Variants in ATG9B observed in about 807,000 individuals in gnomAD.
The protein encoded by ATG9B is autophagy-related protein 9B.
In ATG9B, 92 loss-of-function variants were observed where a neutral mutation model predicts 92.9. The ratio of observed to expected loss-of-function variants is 0.99; its 90% CI spans 0.84 to 1.18. The LOEUF is 1.18. Ranked by LOEUF, ATG9B falls within the 50% of genes most tolerant of loss-of-function variation. ATG9B has a pLI of 0.00. For missense variants in ATG9B, 1,344 were observed against 1,235.0 expected (o/e 1.09, Z -1.32); for synonymous variants, 599 against 551.4 (o/e 1.09, Z -1.21).
At chr7:151,013,540 A>G (rs115888621), downstream of ATG9B, 4 of 1,125,946 alleles carry the variant, frequency 3.6e-6, no homozygotes, top group Non-Finnish European at 4.9e-6. Flanking sequence ...CGGCCCCTCT[A>G]GGCCCGCCTC....
rs1353658069 is a variant in ATG9B, at chr7:151,019,112, A to G, written c.1226T>C (p.Phe409Ser). 2 of 1,535,704 alleles carry G rather than the reference A, an allele frequency of 1.3e-6. No individual in the cohort carries two copies. The highest frequency in any genetic ancestry group is 2.4e-5 in the East Asian group (1 of 40,898). Residue 409 changes from phenylalanine (F) to serine (S), a missense_variant, in exon 6 of 14, where the codon TTC (phenylalanine) becomes TCC (serine). Physicochemically the swap from Phe to Ser is radical, Grantham distance 155 (BLOSUM62 -2). Coordinates refer to ENST00000639579, the MANE Select transcript of ATG9B (RefSeq NM_001317056.2). ...CTCCCAGCCCCCGCGGAAGAGCGAGAAGGGACCGCGGAAGAGCAGCAGGTC... is the reference window on the plus strand; with the variant it reads ...CTCCCAGCCCCCGCGGAAGAGCGAGGAGGGACCGCGGAAGAGCAGCAGGTC... ...NVDLLLFRGP[F>S]SLFRGGWELP... is the part of the protein sequence containing the mutation.
downstream of ATG9B, chr7:151,012,288 G>A (rs572224911): frequency 4.0e-5 from 57 of 1,441,524 alleles, no homozygotes; most frequent in African/African-American, 7.5e-4. Flanking sequence ...CACCCACCCT[G>A]CATGGTGAGA....
chr7:151,023,006 C>T, intron 4 of ATG9B, 39 bp downstream of exon 4: 1 of 1,613,482 alleles, frequency 6.2e-7, no homozygotes. Context: ...ACCCACTGCC[C>T]ATGCTTCACC....
At chr7:151,013,705 T>C (rs1377112936), downstream of ATG9B, 11 of 1,247,056 alleles carry the variant, frequency 8.8e-6, no homozygotes. Context: ...GGGCCCGCCC[T>C]AACCCCGCCG....
chr7:151,013,609 C>G, downstream of ATG9B: 1 of 1,087,568 alleles, frequency 9.2e-7, no homozygotes, highest in Non-Finnish European at 1.3e-6. Flanking sequence ...CCAGGGCACG[C>G]AGGCCCCACC....
intron 9 of ATG9B, 48 bp from the exon 10 acceptor site, chr7:151,016,869 G>A (rs760946600): frequency 6.4e-7 from 1 of 1,570,190 alleles, no homozygotes; most frequent in Non-Finnish European, 8.6e-7. Flanking sequence ...CAGAAGAGAG[G>A]ACAGAAACGG....
Position 151,016,205 on chromosome 7 carries a change from A to ACGGCTC in ATG9B, c.2545_2550dup (p.Glu849_Pro850dup). On this transcript the variant is annotated inframe_insertion, in exon 12 of 14. Coordinates refer to ENST00000639579, the MANE Select transcript of ATG9B (RefSeq NM_001317056.2). ...AGGATGGAGGCTGCAGCCTCACCCC[A>ACGGCTC]CGGCTCCTGCTGCTGCTGCTGCTGG... 1 of 1,509,760 alleles carries ACGGCTC rather than the reference A, an allele frequency of 6.6e-7. No homozygotes were observed. The allele number at this position is 1,509,760 out of a possible 1,614,324, so 93.5% of individuals were successfully genotyped here.
At chr7:151,019,670 G>A (rs750929516) in intron 5 of ATG9B, among the ~76,000 whole-genome samples, 3 of 152,226 alleles carry the variant, frequency 2.0e-5, no homozygotes, top group Admixed American at 6.5e-5. Context: ...GCCTCCAGGT[G>A]CTGGACCTGG....
At position 151,017,057 on chromosome 7, in the gene ATG9B, G is replaced by T; in HGVS notation, c.2268C>A (p.Leu756=). 1 of 1,598,288 alleles carries T rather than the reference G, an allele frequency of 6.3e-7. No homozygotes were observed. Among genetic ancestry groups the T allele is most frequent in the Admixed American group, 1.7e-5 (1 of 57,756 alleles). ...TCACCAGGGGCGAGGTGCAGTTGCT[G>T]AGCACCCCCGGGGTGGAGGGGCCGC... ...SARGPSTPGV[L]SNCTSPLPEA... Residue 756 remains leucine (L), a synonymous_variant, in exon 9 of 14, where the codon CTC becomes CTA. Coordinates refer to ENST00000639579, the MANE Select transcript of ATG9B (RefSeq NM_001317056.2).
Position 151,016,785 on chromosome 7 carries a change from G to C in ATG9B, c.2326C>G (p.Leu776Val). The C allele has an allele frequency of 6.2e-7, 1 of 1,612,374 alleles. No homozygotes were observed. Among genetic ancestry groups the C allele is most frequent in the Non-Finnish European group, 8.5e-7 (1 of 1,179,462 alleles). The change falls in exon 10 of 14, where the codon CTC becomes GTC. Residue 776 changes from leucine (L) to valine (V), a missense_variant. Coordinates refer to ENST00000639579, the MANE Select transcript of ATG9B (RefSeq NM_001317056.2). The part of the protein sequence containing the change: ...AFLANLFVHP[L>V]LPPRDLSPTA... ...GGGCTCAGATCTCTCGGAGGCAGGA[G>C]AGGGTGCACGAAGAGGTTGGCCAGG...
Position 151,023,451 on chromosome 7 carries a change from T to C in ATG9B, c.653A>G (p.Gln218Arg), listed in dbSNP as rs1795827961. Residue 218 changes from glutamine to arginine, a missense_variant, in exon 3 of 14, where the codon CAG becomes CGG. Coordinates refer to ENST00000639579, the MANE Select transcript of ATG9B (RefSeq NM_001317056.2). ...CCCGGGCTAAGCGTCTCACCCCAGC[T>C]GGAAGACATCCTCCAGCAAGATGCA... ...FACILLEDVF[Q>R]LGQFIFIVTF... The C allele has an allele frequency of 2.5e-6, 4 of 1,612,906 alleles. No individual in the cohort carries two copies. The highest frequency in any genetic ancestry group is 1.7e-5 in the Admixed American group (1 of 59,888).
chr7:151,022,974 T>C, intron 4 of ATG9B, 71 bp downstream of exon 4: 1 of 1,582,050 alleles, frequency 6.3e-7, no homozygotes. Context: ...CGGGACAAAG[T>C]GGGGCTCCCG....
intron 5 of ATG9B, 109 bp from the exon 6 acceptor site, chr7:151,019,483 G>C (rs1289410278): frequency 5.0e-6 from 7 of 1,390,956 alleles, no homozygotes; most frequent in African/African-American, 1.5e-5. Context: ...CTGAGTTTGC[G>C]ATCACAAACT....
chr7:151,023,133 G>A lies in ATG9B; in HGVS notation c.733C>T (p.Gln245Ter). The A allele has an allele frequency of 6.2e-7, 1 of 1,614,184 alleles. No individual in the cohort carries two copies. The highest frequency in any genetic ancestry group is 8.5e-7 in the Non-Finnish European group (1 of 1,180,036). The change falls in exon 4 of 14, where the codon CAA becomes TAA. Residue 245 changes from glutamine (Q) to a stop codon, truncating the protein, a stop_gained. Coordinates refer to ENST00000639579, the MANE Select transcript of ATG9B (RefSeq NM_001317056.2). LOFTEE classifies it high-confidence loss of function. The stretch of plus-strand genomic sequence containing the variant: ...CCAGGTCTGGTATGGTTACTTGGTT[G>A]GTTGGCAAAGAGAACATTGTAATCC... ...CVDYNVLFAN[Q>*]PSNHTRPGPF...
At position 151,023,936 on chromosome 7, in the gene ATG9B, TGGGACCCCTCA is replaced by T. The variant is rs1168676172; in HGVS notation, c.477_487del (p.Glu160ArgfsTer17). 4.4e-6 allele frequency: 7 copies of T among 1,593,164 alleles called. No homozygotes were observed. The highest frequency in any genetic ancestry group is 6.0e-6 in the Non-Finnish European group (7 of 1,170,146). On this transcript the variant is annotated frameshift_variant, in exon 1 of 14. Coordinates refer to ENST00000639579, the MANE Select transcript of ATG9B (RefSeq NM_001317056.2). LOFTEE classifies it high-confidence loss of function. ...CTCCTCCCCGTGGATGGGTGAGTCT[TGGGACCCCTCA>T]GGGTCACAGTCCTCCAGCCGCTCAT... is the stretch of plus-strand genomic sequence containing the variant.
intron 4 of ATG9B, among the ~76,000 whole-genome samples, chr7:151,022,361 T>C (rs1344668122): frequency 7.9e-6 from 1 of 127,162 alleles, no homozygotes; most frequent in African/African-American, 3.2e-5. Flanking sequence ...ATCTCAAACT[T>C]CTGGCTTCAA....
In ATG9B at chr7:151,023,190, CAATG is replaced by C. The variant is rs767657146; in HGVS notation, c.672_675del (p.Phe224LeufsTer35). On this transcript the variant is annotated frameshift_variant, in exon 4 of 14. Coordinates refer to ENST00000639579, the MANE Select transcript of ATG9B (RefSeq NM_001317056.2). LOFTEE classifies it high-confidence loss of function. ...CGAAGGAGGAAGGTTGTGAAGGTGA[CAATG>C]AAAATAAATTGTCTGCCGGGAGGAA... 3.1e-6 allele frequency: 5 copies of C among 1,614,160 alleles called. No individual in the cohort carries two copies. The South Asian group carries it at 5.5e-5, about 18-fold the overall frequency.
At chr7:151,020,543 G>A (rs1294877078) in intron 5 of ATG9B, among the ~76,000 whole-genome samples, 1 of 152,182 alleles carries the variant, frequency 6.6e-6, no homozygotes, top group African/African-American at 2.4e-5. Context: ...AGAGGGCTCC[G>A]GACCTCCCAG....
intron 4 of ATG9B, among the ~76,000 whole-genome samples, 153 bp from the exon 5 acceptor site, chr7:151,021,482 T>TGAAGTG (rs552656150): frequency 0.013 from 2,054 of 152,248 alleles, 36 homozygotes; most frequent in African/African-American, 0.046. Context: ...GGGTGGGTGC[T>TGAAGTG]GAAGTGGCCT....
Sources: allele counts gnomAD v4.1 joint callset (sites outside exome capture counted in the v4.1 genomes callset), GRCh38; gene constraint gnomAD v4.1.1; transcripts MANE v1.5; gene names NCBI Gene and HGNC (gene_info 2026-07-23, HGNC 2026-07-21).